Variants in ASIP observed in about 807,000 individuals in gnomAD.
ASIP encodes the protein agouti-signaling protein.
ASIP carries 11 observed loss-of-function variants against 10.3 expected under a neutral mutation model. That is an observed-to-expected ratio of 1.07 (90% confidence interval 0.68 to 1.78). The LOEUF (loss-of-function observed/expected upper bound fraction) is 1.78. ASIP is among the 40% of genes most tolerant of loss of function. The pLI is 0.00. For missense variants in ASIP, 180 were observed against 169.2 expected, an observed-to-expected ratio of 1.06 and a Z score of -0.35; for synonymous variants, 70 against 70.8, an observed-to-expected ratio of 0.99 and a Z score of 0.06.
At chr20:34,261,048 T>C (rs1156694863) in intron 2 of ASIP, among the ~76,000 whole-genome samples, 1 of 152,214 alleles carries the variant, frequency 6.6e-6, no homozygotes, top group African/African-American at 2.4e-5. Flanking sequence ...TATTCATATT[T>C]CACAGTTGAG....
At chr20:34,226,777 T>TG (rs1436224282) in intron 1 of ASIP, among the ~76,000 whole-genome samples, 2 of 152,142 alleles carry the variant, frequency 1.3e-5, no homozygotes, top group African/African-American at 4.8e-5. Flanking sequence ...TTTATAGAGA[T>TG]GGGGTCTTGC....
At chr20:34,256,846 T>C (rs897538727) in intron 1 of ASIP, among the ~76,000 whole-genome samples, 7 of 152,102 alleles carry the variant, frequency 4.6e-5, no homozygotes, top group African/African-American at 1.7e-4. Context: ...AGTGGTACAA[T>C]CACAGCTCAC....
At chr20:34,215,641 T>C in intron 1 of ASIP, 1 of 1,470,914 alleles carries the variant, frequency 6.8e-7, no homozygotes, top group Non-Finnish European at 9.5e-7. Context: ...GCAGCCATGA[T>C]ATGAGCGTCT....
intron 1 of ASIP, among the ~76,000 whole-genome samples, chr20:34,211,806 T>G (rs1489763322): frequency 6.6e-6 from 1 of 152,370 alleles, no homozygotes; most frequent in African/African-American, 2.4e-5. Flanking sequence ...GACTTTTTTC[T>G]TGTGCTACTC....
chr20:34,220,662 C>T (rs1326232568), intron 1 of ASIP, among the ~76,000 whole-genome samples: 3 of 151,444 alleles, frequency 2.0e-5, no homozygotes, highest in Non-Finnish European at 2.9e-5. Flanking sequence ...TAACTCAACA[C>T]GGGGAATCAG....
At chr20:34,204,377 T>G (rs1230745255) in intron 1 of ASIP, among the ~76,000 whole-genome samples, 2 of 152,056 alleles carry the variant, frequency 1.3e-5, no homozygotes, top group African/African-American at 4.8e-5. Context: ...CACGCCACCA[T>G]GCTGGCTAAT....
At chr20:34,191,566 T>C (rs186748626), upstream of ASIP, among the ~76,000 whole-genome samples, 137 of 152,296 alleles carry the variant, frequency 9.0e-4, no homozygotes, top group African/African-American at 3.1e-3. Flanking sequence ...CTCTGCCCTC[T>C]TCTAATTCTA....
chr20:34,259,829 A>G (rs1476330807), intron 1 of ASIP, among the ~76,000 whole-genome samples: 1 of 152,102 alleles, frequency 6.6e-6, no homozygotes, highest in Non-Finnish European at 1.5e-5. Context: ...TCCTCCTGAC[A>G]CAAACTATAC....
intron 1 of ASIP, among the ~76,000 whole-genome samples, chr20:34,232,118 A>G (rs988475915): frequency 6.6e-6 from 1 of 152,264 alleles, no homozygotes; most frequent in Non-Finnish European, 1.5e-5. Flanking sequence ...TAAATGTGTT[A>G]CATGACAATA....
chr20:34,259,984 C>T (rs1001129861), intron 1 of ASIP, among the ~76,000 whole-genome samples: 1 of 152,040 alleles, frequency 6.6e-6, no homozygotes, highest in Non-Finnish European at 1.5e-5. Flanking sequence ...ATCTCTGCTA[C>T]TGTGAGGCCC....
At chr20:34,223,207 A>C (rs1324711773) in intron 1 of ASIP, among the ~76,000 whole-genome samples, 5 of 139,618 alleles carry the variant, frequency 3.6e-5, no homozygotes, top group East Asian at 2.2e-4. Flanking sequence ...AGCCGCCATC[A>C]CATCTAGGAA....
Position 34,260,341 on chromosome 20 carries a change from G to A in ASIP, c.-10-24G>A, listed in dbSNP as rs781034279. ...ACCATTACCCCTGACCCACCCACCT[G>A]ACCACCTTCTCTGTCCCACTCAGGC... is the stretch of plus-strand genomic sequence containing the variant. On this transcript the variant is annotated intron_variant, in intron 1 of 3. Coordinates refer to ENST00000374954, the MANE Select transcript of ASIP (RefSeq NM_001672.3). 2.5e-6 allele frequency: 4 copies of A among 1,598,896 alleles called. No homozygotes were observed. In the East Asian group the frequency reaches 9.0e-5, roughly 36 times the overall value.
At chr20:34,238,156 T>C (rs2035235208), upstream of ASIP, among the ~76,000 whole-genome samples, 1 of 152,188 alleles carries the variant, frequency 6.6e-6, no homozygotes, top group Admixed American at 6.5e-5. Context: ...TTGGAGTTCA[T>C]TGAGCTTCTT....
intron 1 of ASIP, among the ~76,000 whole-genome samples, chr20:34,235,233 A>G (rs536327243): frequency 1.3e-5 from 2 of 152,280 alleles, no homozygotes; most frequent in Non-Finnish European, 2.9e-5. Flanking sequence ...TGAAGTCAGG[A>G]GTTTGAGACC....
intron 1 of ASIP, among the ~76,000 whole-genome samples, chr20:34,203,840 T>G (rs1257217927): frequency 3.3e-5 from 5 of 150,608 alleles, no homozygotes; most frequent in African/African-American, 4.9e-5. Flanking sequence ...TTTCCTGCCT[T>G]AGCCTCCCAA....
At chr20:34,257,064 C>CTCTTTTTTTTTTTTTTTTTTT (rs1568767637) in intron 1 of ASIP, among the ~76,000 whole-genome samples, 2 of 125,602 alleles carry the variant, frequency 1.6e-5, no homozygotes, top group African/African-American at 6.8e-5. Flanking sequence ...CTCTCTCTTT[C>CTCTTTTTTTTTTTTTTTTTTT]TTTCTCTTTT....
rs766047183 is a variant in ASIP at position 34,214,620 on chromosome 20, A to G, written c.-11+19860A>G. ...CCAGTAGTAACTCTCGTGAAACTTG[A>G]GCAAGCCTGTCCAACACTAACTTCA... On this transcript the variant is annotated intron_variant, in intron 1 of 3. Coordinates refer to the ASIP transcript ENST00000568305. The G allele has an allele frequency of 8.9e-5, 108 of 1,209,202 alleles. 1 individual carries two copies. The highest frequency in any genetic ancestry group is 1.2e-4 in the Non-Finnish European group (96 of 806,956). The allele number at this position is 1,209,202 out of a possible 1,614,324, so 74.9% of individuals were successfully genotyped here. A position where few individuals can be genotyped will look rare whatever the true frequency, so the allele number is the denominator to read the frequency against.
At chr20:34,235,843 AGG>A (rs1225842870) in intron 1 of ASIP, among the ~76,000 whole-genome samples, 29 of 37,996 alleles carry the variant, frequency 7.6e-4, no homozygotes, top group South Asian at 3.0e-3. Flanking sequence ...GAAAGAAAGA[AGG>A]AAGGAAGGAA....
intron 1 of ASIP, among the ~76,000 whole-genome samples, chr20:34,226,402 G>C (rs2035093325): frequency 6.6e-6 from 1 of 151,828 alleles, no homozygotes; most frequent in Admixed American, 6.6e-5. Flanking sequence ...ACCCAGGCTG[G>C]AGTGCAGTGG....
Sources: allele counts gnomAD v4.1 joint callset (sites outside exome capture counted in the v4.1 genomes callset), GRCh38; gene constraint gnomAD v4.1.1; transcripts MANE v1.5; gene names NCBI Gene and HGNC (gene_info 2026-07-23, HGNC 2026-07-21).